The following LRRC37A2 variants were observed in gnomAD, a reference collection of about 807,000 sequenced individuals.
The protein encoded by LRRC37A2 is leucine rich repeat containing 37 member A2, also known as leucine-rich repeat-containing protein 37A2.
A neutral mutation model predicts 68.8 loss-of-function variants in LRRC37A2; 9 were observed. The ratio of observed to expected loss-of-function variants is 0.13; its 90% confidence interval spans 0.08 to 0.23. The LOEUF (loss-of-function observed/expected upper bound fraction) is 0.23. Among genes scored for constraint, LRRC37A2 ranks in the 10% least tolerant of loss-of-function variants. The pLI, the probability that LRRC37A2 is intolerant of heterozygous loss-of-function variation, is 1.00. For missense variants in LRRC37A2, 168 were observed against 950.4 expected, an observed-to-expected ratio of 0.18 and a Z score of 10.82; for synonymous variants, 63 against 367.6, an observed-to-expected ratio of 0.17 and a Z score of 9.48.
the LRRC37A2 span, among the ~76,000 whole-genome samples, chr17:47,002,392 T>TA: frequency 6.6e-6 from 1 of 150,836 alleles, no homozygotes; most frequent in Non-Finnish European, 1.5e-5. Context: ...ATTTTTATTT[T>TA]TTTTTTTTAG....
At chr17:46,711,839 A>G in the LRRC37A2 span, among the ~76,000 whole-genome samples, 1 of 152,218 alleles carries the variant, frequency 6.6e-6, no homozygotes, top group African/African-American at 2.4e-5. Context: ...TGGCCAGCCA[A>G]AGTCACTGGG....
chr17:46,545,911 G>A (rs1381672282), intron 8 of LRRC37A2, among the ~76,000 whole-genome samples: 2 of 149,436 alleles, frequency 1.3e-5, no homozygotes, highest in Non-Finnish European at 3.0e-5. Context: ...AGAAGTTGGG[G>A]GCTTATTCAG....
chr17:46,437,620 GA>G, the LRRC37A2 span, among the ~76,000 whole-genome samples: 1 of 145,452 alleles, frequency 6.9e-6, no homozygotes. Context: ...AACTTATAAA[GA>G]TGCACACATC....
chr17:46,424,736 G>A, the LRRC37A2 span, among the ~76,000 whole-genome samples: 2 of 113,548 alleles, frequency 1.8e-5, no homozygotes, highest in Non-Finnish European at 4.1e-5. Flanking sequence ...CAAATATTTA[G>A]CATTTCTTAG....
the LRRC37A2 span, among the ~76,000 whole-genome samples, chr17:46,735,528 C>T: frequency 5.3e-5 from 8 of 151,290 alleles, no homozygotes; most frequent in East Asian, 3.9e-4. Flanking sequence ...TAGCCTTGAA[C>T]GTCCCTTAAT....
At chr17:46,874,243 G>A in the LRRC37A2 span, among the ~76,000 whole-genome samples, 1 of 152,212 alleles carries the variant, frequency 6.6e-6, no homozygotes, top group Non-Finnish European at 1.5e-5. Flanking sequence ...AGGCAAGTCA[G>A]CCAGGAGACT....
At chr17:46,690,439 TA>T in the LRRC37A2 span, among the ~76,000 whole-genome samples, 3 of 19,708 alleles carry the variant, frequency 1.5e-4, no homozygotes, top group Non-Finnish European at 2.5e-4. Flanking sequence ...CCATCTCTAC[TA>T]AAAAAAAAAT....
At chr17:46,920,605 T>C in the LRRC37A2 span, among the ~76,000 whole-genome samples, 1 of 152,182 alleles carries the variant, frequency 6.6e-6, no homozygotes, top group African/African-American at 2.4e-5. Context: ...GGATAGCCTA[T>C]GTGGAGACAG....
chr17:46,980,174 G>C, the LRRC37A2 span, among the ~76,000 whole-genome samples: 1 of 144,686 alleles, frequency 6.9e-6, no homozygotes, highest in Non-Finnish European at 1.5e-5. Context: ...GCCCCAGAAT[G>C]TGCATTTCTA....
the LRRC37A2 span, among the ~76,000 whole-genome samples, chr17:46,454,130 G>A: frequency 4.9e-5 from 5 of 101,470 alleles, 2 homozygotes; most frequent in African/African-American, 7.1e-5. Flanking sequence ...GCAAAGTTAA[G>A]ATTCTTGTGT....
the LRRC37A2 span, among the ~76,000 whole-genome samples, chr17:46,771,460 C>G: frequency 2.7e-5 from 4 of 149,954 alleles, no homozygotes; most frequent in African/African-American, 7.3e-5. Context: ...CGCCCGGGCC[C>G]CGGGCCGCGC....
At chr17:46,597,788 CTTTTTTTTTTTT>C in the LRRC37A2 span, among the ~76,000 whole-genome samples, 17 of 44,168 alleles carry the variant, frequency 3.8e-4, 1 homozygote, top group Admixed American at 1.2e-3. Flanking sequence ...TTGCAATACT[CTTTTTTTTTTTT>C]TTTTTTTTTT....
At chr17:46,770,688 C>G in the LRRC37A2 span, among the ~76,000 whole-genome samples, 2 of 152,208 alleles carry the variant, frequency 1.3e-5, no homozygotes, top group African/African-American at 4.8e-5. Flanking sequence ...TGCCCTCACG[C>G]CCAGGCACGG....
At chr17:46,714,062 A>G in the LRRC37A2 span, 1 of 1,414,288 alleles carries the variant, frequency 7.1e-7, no homozygotes. Flanking sequence ...ATGCCTTTGT[A>G]CATGTATACA....
At chr17:46,977,586 T>C in the LRRC37A2 span, among the ~76,000 whole-genome samples, 2 of 152,208 alleles carry the variant, frequency 1.3e-5, no homozygotes, top group African/African-American at 4.8e-5. Flanking sequence ...AGGCTCCAAG[T>C]CCCCTGCAGG....
the LRRC37A2 span, chr17:46,922,840 AGAT>A: frequency 2.7e-6 from 1 of 364,408 alleles, no homozygotes; most frequent in African/African-American, 2.1e-5. Flanking sequence ...AGAGAACAGC[AGAT>A]GATAGCGGCT....
the LRRC37A2 span, among the ~76,000 whole-genome samples, chr17:46,797,532 A>G: frequency 6.6e-6 from 1 of 152,222 alleles, no homozygotes; most frequent in Non-Finnish European, 1.5e-5. Flanking sequence ...CATGGGAAAA[A>G]CAATCTCAAA....
At chr17:46,897,511 T>C in the LRRC37A2 span, among the ~76,000 whole-genome samples, 4 of 152,118 alleles carry the variant, frequency 2.6e-5, no homozygotes, top group South Asian at 8.3e-4. Context: ...TGAGCCAGTA[T>C]TGGGGGCCAT....
the LRRC37A2 span, among the ~76,000 whole-genome samples, chr17:46,952,309 G>A: frequency 1.3e-5 from 2 of 152,222 alleles, no homozygotes; most frequent in Non-Finnish European, 1.5e-5. Context: ...TGGGTCAGCA[G>A]CCCAAAGCAG....
Sources: gnomAD v4.1 joint callset for allele counts (sites outside exome capture counted in the v4.1 genomes callset) on GRCh38, gnomAD v4.1.1 for gene constraint, MANE v1.5 for transcripts, NCBI Gene and HGNC (gene_info 2026-07-23, HGNC 2026-07-21) for gene names.